Variants in USP36 observed in about 807,000 individuals in gnomAD.
USP36 encodes the protein ubiquitin specific peptidase 36.
USP36 carries 59 observed loss-of-function variants against 111.5 expected under a neutral mutation model. The ratio of observed to expected loss-of-function variants is 0.53; its 90% CI spans 0.43 to 0.66. The LOEUF is 0.66. USP36 is among the 30% of genes least tolerant of loss of function. USP36 has a pLI of 0.00. For synonymous variants in USP36, 628 were observed against 581.0 expected (o/e 1.08, Z -1.16); for missense variants, 1,488 against 1,468.0 (o/e 1.01, Z -0.22).
intron 13 of USP36, among the ~76,000 whole-genome samples, chr17:78,812,460 C>T (rs1256896851): frequency 6.6e-6 from 1 of 151,826 alleles, no homozygotes; most frequent in Admixed American, 6.6e-5. Context: ...GAGGCCGAGG[C>T]GGGCAGATCC....
chr17:78,798,311 C>T lies in USP36; in HGVS notation c.*20+89G>A. On this transcript the variant is annotated intron_variant, in intron 20 of 20. Coordinates refer to ENST00000449938, the MANE Select transcript of USP36 (RefSeq NM_001385174.1). This position sits in a 1 kb window ranked among gnomAD's most constrained non-coding sequence, Gnocchi z 5.1. ...AGATACACAGCCCACATACATCATA[C>T]ACACACGCCACACCCCACCACACCC... 6.6e-7 allele frequency: 1 copy of T among 1,520,134 alleles called. No homozygotes were observed. The highest frequency in any genetic ancestry group is 1.9e-5 in the Admixed American group (1 of 53,102). The allele number at this position is 1,520,134 out of a possible 1,614,324, so 94.2% of individuals were successfully genotyped here.
intron 10 of USP36, among the ~76,000 whole-genome samples, chr17:78,815,832 TATAC>T (rs1339738073): frequency 1.4e-5 from 2 of 146,942 alleles, no homozygotes; most frequent in Non-Finnish European, 1.5e-5. Flanking sequence ...TGCACACATA[TATAC>T]ATACACACAC....
intron 4 of USP36, among the ~76,000 whole-genome samples, chr17:78,830,096 C>G (rs1416922892): frequency 6.6e-6 from 1 of 152,158 alleles, no homozygotes; most frequent in Non-Finnish European, 1.5e-5. Flanking sequence ...CTGCTGTGAT[C>G]GCCGAACTCC....
intron 13 of USP36, among the ~76,000 whole-genome samples, chr17:78,809,991 C>T (rs748037192): frequency 4.6e-5 from 7 of 152,076 alleles, no homozygotes; most frequent in Non-Finnish European, 1.0e-4. Flanking sequence ...GGATTACAGG[C>T]GCACGCCACC....
intron 6 of USP36, among the ~76,000 whole-genome samples, chr17:78,823,408 C>A (rs573430060): frequency 6.6e-6 from 1 of 152,304 alleles, no homozygotes; most frequent in East Asian, 1.9e-4. Flanking sequence ...CACAAGGAAT[C>A]CCCTCTTGCA....
downstream of USP36, among the ~76,000 whole-genome samples, chr17:78,795,437 C>T (rs1348506748): frequency 6.6e-6 from 1 of 152,188 alleles, no homozygotes; most frequent in Non-Finnish European, 1.5e-5. This position sits in a 1 kb window ranked among gnomAD's most constrained non-coding sequence, Gnocchi z 4.5. Flanking sequence ...AGCCGCTGCA[C>T]GGCAACCCGC....
chr17:78,835,536 A>G, intron 3 of USP36, 35 bp from the exon 4 acceptor site: 1 of 1,557,374 alleles, frequency 6.4e-7, no homozygotes, highest in African/African-American at 1.4e-5. Flanking sequence ...GAAAAGAGGA[A>G]GACGTAAGTC....
rs780054297 is a variant in USP36 at position 78,820,025 on chromosome 17, A to C, written c.829-13T>G. The C allele has an allele frequency of 1.7e-5, 28 of 1,613,792 alleles. No homozygotes were observed. In the South Asian group the frequency reaches 3.0e-4, roughly 17 times the overall value. ...TATTCGCAGCTTGCTGAGGAGGACA[A>C]AAACAGGGAGTAAAATACACAGCAG... On this transcript the variant is annotated splice_polypyrimidine_tract_variant and intron_variant, in intron 8 of 20. Coordinates refer to ENST00000449938, the MANE Select transcript of USP36 (RefSeq NM_001385174.1).
At chr17:78,830,390 T>G (rs1056579709) in intron 4 of USP36, among the ~76,000 whole-genome samples, 1 of 152,240 alleles carries the variant, frequency 6.6e-6, no homozygotes, top group African/African-American at 2.4e-5. Flanking sequence ...GAGACCACTG[T>G]TATTTATGTA....
At chr17:78,793,928 G>A (rs909328385), downstream of USP36, among the ~76,000 whole-genome samples, 6 of 152,024 alleles carry the variant, frequency 3.9e-5, no homozygotes, top group South Asian at 2.1e-4. Context: ...ATGCCAACAC[G>A]TCCACTAAGT....
At position 78,828,993 on chromosome 17, in the gene USP36, A is replaced by G. The variant is rs1362196054; in HGVS notation, c.490T>C (p.Phe164Leu). The change falls in exon 5 of 21, where the codon TTC (phenylalanine) becomes CTC (leucine). Residue 164 changes from phenylalanine (F) to leucine (L), a missense_variant. Around this residue, in one of 3 missense-constraint regions of USP36, gnomAD observed 219 missense variants for 209.5 expected, o/e 1.05. Coordinates refer to ENST00000449938, the MANE Select transcript of USP36 (RefSeq NM_001385174.1). ...TTCTGCATGACACACAGCATGCAGA[A>G]GCTTCCCTGGTGGCCTGCCGGCGTG... The part of the protein sequence containing the change: ...EHARSCHQGS[F>L]CMLCVMQNHI... 1 of 1,613,612 alleles carries G rather than the reference A, an allele frequency of 6.2e-7. No homozygotes were observed.
At chr17:78,813,461 G>A (rs918638263) in intron 12 of USP36, among the ~76,000 whole-genome samples, 4 of 152,136 alleles carry the variant, frequency 2.6e-5, no homozygotes, top group Non-Finnish European at 4.4e-5. Flanking sequence ...TTCCCCACAC[G>A]GGAAGGGGCA....
intron 18 of USP36, among the ~76,000 whole-genome samples, chr17:78,799,438 C>T (rs1266362162): frequency 6.6e-6 from 1 of 152,194 alleles, no homozygotes; most frequent in Non-Finnish European, 1.5e-5. Context: ...CCTGCCCCAA[C>T]CCTCAGAAGC....
At position 78,803,317 on chromosome 17, in the gene USP36, G is replaced by A. The variant is rs2093803231; in HGVS notation, c.2810+68C>T. ...GTTTCCAGACCATACCTACTTGGGGGTAGATTCTGTGGTTTTGCTTTGTTT... is the reference window on the plus strand; with the variant it reads ...GTTTCCAGACCATACCTACTTGGGGATAGATTCTGTGGTTTTGCTTTGTTT... On this transcript the variant is annotated intron_variant, in intron 16 of 20. Transcript: ENST00000449938. This position sits in a 1 kb window ranked among gnomAD's most constrained non-coding sequence, Gnocchi z 4.6. 7 of 1,507,994 alleles carry A rather than the reference G, an allele frequency of 4.6e-6. No homozygotes were observed. The highest frequency in any genetic ancestry group is 2.5e-5 in the South Asian group (2 of 81,134). The allele number at this position is 1,507,994 out of a possible 1,614,324, so 93.4% of individuals were successfully genotyped here. A position where few individuals can be genotyped will look rare whatever the true frequency, so the allele number is the denominator to read the frequency against.
chr17:78,825,962 ACT>A (rs1382860896), intron 6 of USP36, among the ~76,000 whole-genome samples: 3 of 152,136 alleles, frequency 2.0e-5, no homozygotes, highest in Admixed American at 1.3e-4. Flanking sequence ...GCTGGGGTCC[ACT>A]GTCTTCACCA....
In USP36 at chr17:78,802,330, G is replaced by C; in HGVS notation, c.3016C>G (p.Arg1006Gly). ...PSANGWCPGD[R>G]MGLSQAPPVS... ...CCCCTCGCCCGGTGCATACCCATGC[G>C]GTCCCCAGGACACCAGCCATTCGCG... The change falls in exon 17 of 21, where the codon CGC (arginine) becomes GGC (glycine). Residue 1006 changes from arginine (R) to glycine (G), a missense_variant. Arg to Gly is a moderately radical substitution (Grantham distance 125). Around this residue, in one of 3 missense-constraint regions of USP36, gnomAD observed 1,073 missense variants for 994.1 expected, o/e 1.08. Coordinates refer to ENST00000449938, the MANE Select transcript of USP36 (RefSeq NM_001385174.1). 1 of 1,576,782 alleles carries C rather than the reference G, an allele frequency of 6.3e-7. No homozygotes were observed. Among genetic ancestry groups the C allele is most frequent in the South Asian group, 1.1e-5 (1 of 87,224 alleles).
chr17:78,801,218 C>T (rs964072931), intron 17 of USP36, among the ~76,000 whole-genome samples: 3 of 152,072 alleles, frequency 2.0e-5, no homozygotes, highest in Non-Finnish European at 4.4e-5. Flanking sequence ...CCTTGTGATC[C>T]GCCCGCCTCG....
chr17:78,789,154 G>A lies in USP36; in HGVS notation c.*21-1496C>T, dbSNP rs139745140. ...AGAGGTTGCAGTGAGTCGAGATTGC[G>A]CCATTGCACCCCAGCCTGGGCAACA... On this transcript the variant is annotated intron_variant, in intron 3 of 3. Coordinates refer to the USP36 transcript ENST00000588130. Among the ~76,000 whole-genome samples, 1,331 of 135,780 alleles carry A rather than the reference G, an allele frequency of 9.8e-3. 18 individuals are homozygous for A. The highest frequency in any genetic ancestry group is 0.035 in the African/African-American group (1,272 of 36,612). 89.1% of individuals were successfully genotyped at this position (135,780 alleles called of 152,430 possible).
At position 78,817,470 on chromosome 17, in the gene USP36, A is replaced by G. The variant is rs543324882; in HGVS notation, c.1023+1197T>C. Among the ~76,000 whole-genome samples, 369 of 152,272 alleles carry G rather than the reference A, an allele frequency of 2.4e-3. 1 individual carries two copies. The highest frequency in any genetic ancestry group is 0.02 in the Middle Eastern group (6 of 294). ...CTCTAGATTTTTATGAGATACAGAC[A>G]TCTACTGGGCACGGTGGCTCATGCC... On this transcript the variant is annotated intron_variant, in intron 10 of 20. Coordinates refer to ENST00000449938, the MANE Select transcript of USP36 (RefSeq NM_001385174.1).
Sources: gnomAD v4.1 joint callset for allele counts (sites outside exome capture counted in the v4.1 genomes callset) on GRCh38, gnomAD v4.1.1 for gene constraint, gnomAD v4.1.1 regional missense constraint, Gnocchi (gnomAD v3.1) non-coding constraint, MANE v1.5 for transcripts, NCBI Gene and HGNC (gene_info 2026-07-23, HGNC 2026-07-21) for gene names.